The following PIK3C2A variants were observed in gnomAD, a reference collection of about 807,000 sequenced individuals.
PIK3C2A encodes phosphatidylinositol-4-phosphate 3-kinase catalytic subunit type 2 alpha, also known as phosphatidylinositol 4-phosphate 3-kinase C2 domain-containing subunit alpha.
PIK3C2A carries 97 observed loss-of-function variants against 204.5 expected under a neutral mutation model. The ratio of observed to expected loss-of-function variants is 0.47; its 90% confidence interval spans 0.40 to 0.56. The LOEUF is 0.56. Among genes scored for constraint, PIK3C2A ranks in the 20% least tolerant of loss-of-function variants. The probability of loss-of-function intolerance (pLI) is 0.00; values close to 1 mark genes in which losing one functional copy is unlikely to be tolerated. For missense variants in PIK3C2A, 1,735 were observed against 1,969.2 expected, an observed-to-expected ratio of 0.88 and a Z score of 2.25; for synonymous variants, 653 against 664.4, an observed-to-expected ratio of 0.98 and a Z score of 0.26.
At chr11:17,157,160 G>C (rs1189254621) in intron 2 of PIK3C2A, among the ~76,000 whole-genome samples, 1 of 152,010 alleles carries the variant, frequency 6.6e-6, no homozygotes, top group Non-Finnish European at 1.5e-5. Flanking sequence ...GAATTCTTCA[G>C]GACATATGCT....
chr11:17,139,022 C>T (rs373780446), intron 8 of PIK3C2A, among the ~76,000 whole-genome samples: 7 of 151,904 alleles, frequency 4.6e-5, no homozygotes, highest in African/African-American at 1.7e-4. Context: ...TTTCTCCTGC[C>T]GCAGCCTCCT....
At chr11:17,175,371 A>G (rs903253983) in intron 1 of PIK3C2A, among the ~76,000 whole-genome samples, 1 of 152,230 alleles carries the variant, frequency 6.6e-6, no homozygotes, top group African/African-American at 2.4e-5. Flanking sequence ...TCATGCATGT[A>G]TACTAAAATG....
intron 22 of PIK3C2A, among the ~76,000 whole-genome samples, chr11:17,107,916 G>A (rs1463526839): frequency 6.6e-6 from 1 of 152,130 alleles, no homozygotes; most frequent in African/African-American, 2.4e-5. Flanking sequence ...CTGTTTTCCA[G>A]GCTGGAGTGC....
chr11:17,101,490 G>A (rs1043675007), intron 24 of PIK3C2A, 56 bp from the exon 25 acceptor site: 2 of 946,404 alleles, frequency 2.1e-6, no homozygotes, highest in African/African-American at 3.3e-5. Flanking sequence ...CTCCAATAGT[G>A]CTATTACATG....
At chr11:17,176,450 GTAAA>G (rs147139765) in intron 1 of PIK3C2A, among the ~76,000 whole-genome samples, 35,402 of 150,468 alleles carry the variant, frequency 0.24, 5,180 homozygotes, top group East Asian at 0.38. Context: ...CCCTATCTCT[GTAAA>G]TAAATAAATA....
In PIK3C2A at chr11:17,089,730, T is replaced by C. The variant is rs1260854105; in HGVS notation, c.*8A>G. On this transcript the variant is annotated 3_prime_UTR_variant, in exon 33 of 33. Coordinates refer to ENST00000691414, the MANE Select transcript of PIK3C2A (RefSeq NM_002645.4). ...GTTCATGCTTCCAAAGCTCAAACATTCACTAGTTTACAAGTATGTTGCCGC... is the reference window on the plus strand; with the variant it reads ...GTTCATGCTTCCAAAGCTCAAACATCCACTAGTTTACAAGTATGTTGCCGC... 1.9e-6 allele frequency: 3 copies of C among 1,599,950 alleles called. No homozygotes were observed. Among genetic ancestry groups the C allele is most frequent in the Non-Finnish European group, 2.6e-6 (3 of 1,168,074 alleles).
Position 17,092,031 on chromosome 11 carries a change from C to T in PIK3C2A, c.4607G>A (p.Arg1536His), listed in dbSNP as rs1368913590. ...LVCTFFHPLL[R>H]DEKAEGIARS... ...AGCTATCCCTTCAGCTTTCTCATCA[C>T]GAAGTAAAGGGTGGAAGAAAGTACA... Residue 1536 changes from arginine (R) to histidine (H), a missense_variant, in exon 30 of 33, where the codon CGT becomes CAT. Physicochemically the swap from Arg to His is conservative, Grantham distance 29. This residue lies in a region of PIK3C2A where 503 missense variants were observed against 669.0 expected (regional missense o/e 0.75). Coordinates refer to ENST00000691414, the MANE Select transcript of PIK3C2A (RefSeq NM_002645.4). The T allele has an allele frequency of 2.5e-6, 4 of 1,611,754 alleles. No individual in the cohort carries two copies. The highest frequency in any genetic ancestry group is 4.5e-5 in the East Asian group (2 of 44,832).
intron 2 of PIK3C2A, among the ~76,000 whole-genome samples, chr11:17,159,854 T>C (rs1171863560): frequency 6.6e-6 from 1 of 152,220 alleles, no homozygotes; most frequent in Non-Finnish European, 1.5e-5. Context: ...CCAATGCTTC[T>C]GTTTTAGTCC....
At chr11:17,148,443 T>A (rs1042503719) in intron 5 of PIK3C2A, 41 of 457,844 alleles carry the variant, frequency 9.0e-5, no homozygotes, top group Non-Finnish European at 1.6e-4. Flanking sequence ...GACTACAAGC[T>A]CCTTAAGGGA....
intron 19 of PIK3C2A, 28 bp from the exon 20 acceptor site, chr11:17,114,493 T>C: frequency 1.0e-6 from 1 of 965,460 alleles, no homozygotes; most frequent in Non-Finnish European, 1.7e-6. Context: ...ATACTGTAAG[T>C]ACATAATGAA....
chr11:17,148,776 C>T lies in PIK3C2A; in HGVS notation c.1339G>A (p.Val447Ile). 6.2e-7 allele frequency: 1 copy of T among 1,610,740 alleles called. No homozygotes were observed. Among genetic ancestry groups the T allele is most frequent in the Non-Finnish European group, 8.5e-7 (1 of 1,177,624 alleles). ...AGGGCTTGCATTATAATGATTTCTA[C>T]AGTAGAACTCACTGTAAAAGAGTTA... ...VTFTCDVSST[V>I]EIIIMQALCW... is the part of the protein sequence containing the mutation. The change falls in exon 5 of 33, where the codon GTA becomes ATA. Residue 447 changes from valine (V) to isoleucine (I), a missense_variant. Coordinates refer to ENST00000691414, the MANE Select transcript of PIK3C2A (RefSeq NM_002645.4).
In PIK3C2A at chr11:17,183,491, C is replaced by T. The variant is rs544005981; in HGVS notation, c.-65-13685G>A. Among the ~76,000 whole-genome samples the T allele has an allele frequency of 7.2e-5, 11 of 152,078 alleles. No homozygotes were observed. In the South Asian group the frequency reaches 2.3e-3, roughly 32 times the overall value. On this transcript the variant is annotated intron_variant, in intron 1 of 32. Coordinates refer to ENST00000691414, the MANE Select transcript of PIK3C2A (RefSeq NM_002645.4). Reference sequence around the variant, plus strand: ...AGGAGTTTGAGACCAGCCTGGCCAACATGGTGAAACCCCGTCTCTACTAAA... The same window carrying T: ...AGGAGTTTGAGACCAGCCTGGCCAATATGGTGAAACCCCGTCTCTACTAAA...
At chr11:17,201,386 G>A (rs1022726988) in intron 1 of PIK3C2A, among the ~76,000 whole-genome samples, 1 of 150,912 alleles carries the variant, frequency 6.6e-6, no homozygotes, top group African/African-American at 2.4e-5. Flanking sequence ...AATTAGCCGG[G>A]CGTGGTGACG....
Position 17,094,313 on chromosome 11 carries a change from G to C in PIK3C2A, c.4399C>G (p.Gln1467Glu). ...SFVFRTFDEF[Q>E]ELHNKLSIIF... The stretch of plus-strand genomic sequence containing the variant: ...ATACTGAGCTTATTGTGAAGTTCCT[G>C]AAATTCGTCAAATGTTCGGAAGACA... Residue 1467 changes from glutamine to glutamate, a missense_variant, in exon 28 of 33, where the codon CAG becomes GAG. Physicochemically the swap from Gln to Glu is conservative, Grantham distance 29. Transcript: ENST00000691414. 6.2e-7 allele frequency: 1 copy of C among 1,610,748 alleles called. No individual in the cohort carries two copies. Among genetic ancestry groups the C allele is most frequent in the Non-Finnish European group, 8.5e-7 (1 of 1,176,932 alleles).
intron 1 of PIK3C2A, among the ~76,000 whole-genome samples, chr11:17,207,220 A>AT (rs905634945): frequency 6.6e-6 from 1 of 152,184 alleles, no homozygotes; most frequent in African/African-American, 2.4e-5. Flanking sequence ...TTAAGCTAGT[A>AT]TTTTTTAATC....
chr11:17,150,316 C>T lies in PIK3C2A; in HGVS notation c.1327+182G>A, dbSNP rs564508825. Among the ~76,000 whole-genome samples the T allele has an allele frequency of 5.9e-5, 9 of 152,312 alleles. No homozygotes were observed. In the South Asian group the frequency reaches 1.9e-3, roughly 32 times the overall value. ...TTAACAAAAGTTACTTAGCACTTTT[C>T]AGATAATTATCTATTTATAAAGGTA... On this transcript the variant is annotated intron_variant, in intron 4 of 32. Transcript: ENST00000691414.
intron 28 of PIK3C2A, among the ~76,000 whole-genome samples, chr11:17,093,534 G>C (rs2081378063): frequency 6.6e-6 from 1 of 152,098 alleles, no homozygotes; most frequent in African/African-American, 2.4e-5. Context: ...AAAATGCTGG[G>C]ATTATAGGTG....
At chr11:17,098,061 A>G (rs921687759) in intron 26 of PIK3C2A, among the ~76,000 whole-genome samples, 2 of 152,252 alleles carry the variant, frequency 1.3e-5, no homozygotes. Context: ...TTTTGACAGG[A>G]TGGAAAGTAG....
chr11:17,185,413 T>G (rs546109142), intron 1 of PIK3C2A, among the ~76,000 whole-genome samples: 1 of 152,336 alleles, frequency 6.6e-6, no homozygotes, highest in East Asian at 1.9e-4. Flanking sequence ...AATTGCCTAC[T>G]GATGCATTTC....
Sources: allele counts gnomAD v4.1 joint callset (sites outside exome capture counted in the v4.1 genomes callset), GRCh38; gene constraint gnomAD v4.1.1; regional missense constraint gnomAD v4.1.1; transcripts MANE v1.5; gene names NCBI Gene and HGNC (gene_info 2026-07-23, HGNC 2026-07-21).